CD58: variants seen among roughly 807,000 people sequenced by gnomAD.
The protein encoded by CD58 is lymphocyte function-associated antigen 3.
CD58 carries 14 observed loss-of-function variants against 27.6 expected under a neutral mutation model. The observed-to-expected ratio is 0.51, with a 90% CI of 0.34 to 0.79. The LOEUF (loss-of-function observed/expected upper bound fraction) is 0.79. Ranked by LOEUF, CD58 falls within the 30% of genes least tolerant of loss-of-function variation. The probability of loss-of-function intolerance (pLI) is 0.02; values close to 1 mark genes in which losing one functional copy is unlikely to be tolerated. For synonymous variants in CD58, 117 were observed against 103.8 expected (o/e 1.13, Z -0.77); for missense variants, 268 against 301.7 (o/e 0.89, Z 0.83).
intron 1 of CD58, among the ~76,000 whole-genome samples, chr1:116,554,898 C>G (rs1012879266): frequency 6.6e-6 from 1 of 152,098 alleles, no homozygotes; most frequent in Non-Finnish European, 1.5e-5. Flanking sequence ...TTCCTTCCTA[C>G]AGTAAAGTCT....
chr1:116,534,002 C>G lies in CD58; in HGVS notation c.628+1963G>C, dbSNP rs1657707211. On this transcript the variant is annotated intron_variant, in intron 3 of 5. Transcript: ENST00000369489. This position sits in a 1 kb window ranked among gnomAD's most constrained non-coding sequence, Gnocchi z 5.3. ...GCCAAAACTCCAGGATTCTGCATCA[C>G]CTGATCCGTGAGCTTTTCCGTCTTA... 7.4e-7 allele frequency: 1 copy of G among 1,352,798 alleles called. No individual in the cohort carries two copies. The highest frequency in any genetic ancestry group is 1.1e-6 in the Non-Finnish European group (1 of 947,006). The allele number at this position is 1,352,798 out of a possible 1,614,324, so 83.8% of individuals were successfully genotyped here.
Position 116,517,358 on chromosome 1 carries a change from G to A in CD58, c.743+1873C>T, listed in dbSNP as rs577183599. Among the ~76,000 whole-genome samples the A allele has an allele frequency of 3.3e-5, 5 of 152,202 alleles. No homozygotes were observed. Among genetic ancestry groups the A allele is most frequent in the Admixed American group, 2.0e-4 (3 of 15,300 alleles). On this transcript the variant is annotated intron_variant, in intron 5 of 5. Transcript: ENST00000369489. The surrounding 1 kb of genome is among the most constrained non-coding windows in gnomAD (Gnocchi z 6.5). ...GTCCTCCCAGCTTGGGTCTGTGGCC[G>A]GCTGAGCTGCCCCTTGTACTTCCTT...
At chr1:116,549,446 A>T (rs754222227) in intron 1 of CD58, among the ~76,000 whole-genome samples, 1 of 152,220 alleles carries the variant, frequency 6.6e-6, no homozygotes, top group Non-Finnish European at 1.5e-5. Context: ...TGAGAAAAGT[A>T]GCATAAGCCG....
rs1657635694 is a variant in CD58, at chr1:116,532,194, GC to G, written c.628+3770del. ...TTTCTTCCGCACAGCCCTTGCTCCT[GC>G]TAGGAAGTGGCACATCTTCCTGCTC... is the stretch of plus-strand genomic sequence containing the variant. On this transcript the variant is annotated intron_variant, in intron 3 of 5. Coordinates refer to ENST00000369489, the MANE Select transcript of CD58 (RefSeq NM_001779.3). The surrounding 1 kb of genome is among the most constrained non-coding windows in gnomAD (Gnocchi z 5.1). Among the ~76,000 whole-genome samples the G allele has an allele frequency of 6.6e-6, 1 of 152,216 alleles. No homozygotes were observed. The highest frequency in any genetic ancestry group is 2.4e-5 in the African/African-American group (1 of 41,450).
At position 116,555,143 on chromosome 1, in the gene CD58, G is replaced by A. The variant is rs570876656; in HGVS notation, c.71-10539C>T. On this transcript the variant is annotated intron_variant, in intron 1 of 5. Coordinates refer to ENST00000369489, the MANE Select transcript of CD58 (RefSeq NM_001779.3). ...TGGTCAGAAAAGGGACTGTAGGGAC[G>A]CTAATAACCATGCCAGAGTGCAGAA... Among the ~76,000 whole-genome samples, 13 of 152,152 alleles carry A rather than the reference G, an allele frequency of 8.5e-5. No individual in the cohort carries two copies. The East Asian group carries it at 1.9e-3, about 23-fold the overall frequency.
rs1657297865 is a variant in CD58, at chr1:116,522,627, C to T, written c.629-644G>A. On this transcript the variant is annotated intron_variant, in intron 3 of 5. Transcript: ENST00000369489. This position sits in a 1 kb window ranked among gnomAD's most constrained non-coding sequence, Gnocchi z 4.6. ...ACTTGCTATTTCACTGTTAACTTGA[C>T]TCTGTAGAACTAATATGAATAACAA... 2.6e-5 allele frequency among the ~76,000 whole-genome samples: 4 copies of T among 152,166 alleles called. No individual in the cohort carries two copies. The highest frequency in any genetic ancestry group is 2.6e-4 in the Admixed American group (4 of 15,274).
Position 116,570,870 on chromosome 1 carries a change from CG to C in CD58, c.70+32del. 1 of 1,524,460 alleles carries C rather than the reference CG, an allele frequency of 6.6e-7. No homozygotes were observed. The highest frequency in any genetic ancestry group is 8.8e-7 in the Non-Finnish European group (1 of 1,137,134). The allele number at this position is 1,524,460 out of a possible 1,614,324, so 94.4% of individuals were successfully genotyped here. A position where few individuals can be genotyped will look rare whatever the true frequency, so the allele number is the denominator to read the frequency against. ...TGGGTGCTGCCCAGTACCCGCCGGC[CG>C]GCGCGGGGCCCCTGGGGCAGGCTTC... On this transcript the variant is annotated intron_variant, in intron 1 of 5. Coordinates refer to ENST00000369489, the MANE Select transcript of CD58 (RefSeq NM_001779.3). This position sits in a 1 kb window ranked among gnomAD's most constrained non-coding sequence, Gnocchi z 6.4.
Position 116,528,551 on chromosome 1 carries a change from G to C in CD58, c.629-6568C>G, listed in dbSNP as rs565683718. Among the ~76,000 whole-genome samples the C allele has an allele frequency of 6.6e-6, 1 of 152,294 alleles. No homozygotes were observed. Among genetic ancestry groups the C allele is most frequent in the Admixed American group, 6.5e-5 (1 of 15,300 alleles). ...TCTTGGTCCATAAATGTGTACAACA[G>C]TTGGAAACTGGTACTCTAGAGAATA... On this transcript the variant is annotated intron_variant, in intron 3 of 5. Coordinates refer to ENST00000369489, the MANE Select transcript of CD58 (RefSeq NM_001779.3). This position sits in a 1 kb window ranked among gnomAD's most constrained non-coding sequence, Gnocchi z 4.4.
rs563475173 is a variant in CD58 at position 116,518,472 on chromosome 1, G to A, written c.743+759C>T. On this transcript the variant is annotated intron_variant, in intron 5 of 5. Transcript: ENST00000369489. ...AACTCTGCGGTTCTCCCTAAAGAATGACCCAAAGCCTCTCTCAAAGTCTCA... is the reference window on the plus strand; with the variant it reads ...AACTCTGCGGTTCTCCCTAAAGAATAACCCAAAGCCTCTCTCAAAGTCTCA... Among the ~76,000 whole-genome samples, 4 of 152,134 alleles carry A rather than the reference G, an allele frequency of 2.6e-5. No homozygotes were observed. The South Asian group carries it at 8.3e-4, about 32-fold the overall frequency.
intron 2 of CD58, among the ~76,000 whole-genome samples, chr1:116,540,617 A>G (rs1657958869): frequency 6.6e-6 from 1 of 152,106 alleles, no homozygotes; most frequent in African/African-American, 2.4e-5. Flanking sequence ...CCACTGCTAC[A>G]AGCTGATGTC....
chr1:116,547,157 TC>T lies in CD58; in HGVS notation c.71-2554del, dbSNP rs1397522670. Among the ~76,000 whole-genome samples the T allele has an allele frequency of 2.0e-5, 3 of 149,372 alleles. No homozygotes were observed. The East Asian group carries it at 6.2e-4, about 31-fold the overall frequency. ...TGTAGTCTTTTATCCCTCATCCCCA[TC>T]CCACCCTTCTCCACAAGTCCCCAAA... is the stretch of plus-strand genomic sequence containing the variant. On this transcript the variant is annotated intron_variant, in intron 1 of 5. Transcript: ENST00000369489.
rs1198232049 is a variant in CD58 at position 116,521,048 on chromosome 1, A to G, written c.706+858T>C. 2.0e-5 allele frequency among the ~76,000 whole-genome samples: 3 copies of G among 152,338 alleles called. No homozygotes were observed. Among genetic ancestry groups the G allele is most frequent in the African/African-American group, 7.2e-5 (3 of 41,586 alleles). On this transcript the variant is annotated intron_variant, in intron 4 of 5. Transcript: ENST00000369489. This position sits in a 1 kb window ranked among gnomAD's most constrained non-coding sequence, Gnocchi z 5.6. ...ACTTGAAAGGTGGTTAGTGTAACTG[A>G]GGAATGAATCTTAAATTTAATGGTA...
In CD58 at chr1:116,528,037, A is replaced by G. The variant is rs1657482170; in HGVS notation, c.629-6054T>C. 6.6e-6 allele frequency among the ~76,000 whole-genome samples: 1 copy of G among 152,254 alleles called. No homozygotes were observed. Among genetic ancestry groups the G allele is most frequent in the South Asian group, 2.1e-4 (1 of 4,838 alleles). ...CTTGGCCTCACAAAGTGTTGGGATT[A>G]TAGGCATAAGCCACTGCACGCAGCG... On this transcript the variant is annotated intron_variant, in intron 3 of 5. Transcript: ENST00000369489. This position sits in a 1 kb window ranked among gnomAD's most constrained non-coding sequence, Gnocchi z 4.4.
At chr1:116,544,200 G>C in intron 2 of CD58, 111 bp downstream of exon 2, 4 of 718,140 alleles carry the variant, frequency 5.6e-6, no homozygotes, top group Non-Finnish European at 9.2e-6. Context: ...CCTGACAACA[G>C]GTAACATCTA....
intron 1 of CD58, among the ~76,000 whole-genome samples, chr1:116,551,774 T>C (rs1658402859): frequency 6.6e-6 from 1 of 150,688 alleles, no homozygotes; most frequent in Non-Finnish European, 1.5e-5. Flanking sequence ...AGTTTCATTC[T>C]TGTAGCCCAG....
rs774281002 is a variant in CD58, at chr1:116,571,024, T to C, written c.-52A>G. ...GTGCCCAGCCACAAGCAGCCCTAAG[T>C]TCAAGCACCGCCTACGCGGTCGGCC... On this transcript the variant is annotated 5_prime_UTR_variant, in exon 1 of 6. Coordinates refer to ENST00000369489, the MANE Select transcript of CD58 (RefSeq NM_001779.3). 2.8e-5 allele frequency: 41 copies of C among 1,453,586 alleles called. No individual in the cohort carries two copies. In the South Asian group the frequency reaches 5.1e-4, roughly 18 times the overall value. 90.0% of individuals were successfully genotyped at this position (1,453,586 alleles called of 1,614,324 possible).
intron 1 of CD58, among the ~76,000 whole-genome samples, chr1:116,545,828 T>C (rs1291291236): frequency 6.6e-6 from 1 of 152,228 alleles, no homozygotes; most frequent in East Asian, 1.9e-4. Context: ...TGGGATATTT[T>C]TGATACCCCA....
chr1:116,529,213 A>G (rs1294702995), intron 3 of CD58, among the ~76,000 whole-genome samples: 1 of 152,160 alleles, frequency 6.6e-6, no homozygotes, highest in Non-Finnish European at 1.5e-5. Context: ...TCTAATCTGT[A>G]TAAGTCTGTC....
At position 116,517,080 on chromosome 1, in the gene CD58, C is replaced by T. The variant is rs1657105770; in HGVS notation, c.743+2151G>A. 6.6e-6 allele frequency among the ~76,000 whole-genome samples: 1 copy of T among 152,066 alleles called. No individual in the cohort carries two copies. The highest frequency in any genetic ancestry group is 2.4e-5 in the African/African-American group (1 of 41,408). On this transcript the variant is annotated intron_variant, in intron 5 of 5. Transcript: ENST00000369489. The surrounding 1 kb of genome is among the most constrained non-coding windows in gnomAD (Gnocchi z 6.5). ...GTGGCCCTGGATGATGCCCCCCTAC[C>T]CCCATCATTGGTAGTGATGGCTATG...
Sources: gnomAD v4.1 joint callset for allele counts (sites outside exome capture counted in the v4.1 genomes callset) on GRCh38, gnomAD v4.1.1 for gene constraint, Gnocchi (gnomAD v3.1) non-coding constraint, MANE v1.5 for transcripts, NCBI Gene and HGNC (gene_info 2026-07-23, HGNC 2026-07-21) for gene names.